TADA2A: variants seen among roughly 807,000 people sequenced by gnomAD.
The protein encoded by TADA2A is transcriptional adapter 2-alpha.
In TADA2A, 38 loss-of-function variants were observed where a neutral mutation model predicts 67.4. That is an observed-to-expected ratio of 0.56 (90% CI 0.44 to 0.74). TADA2A has a LOEUF of 0.74. Among genes scored for constraint, TADA2A ranks in the 30% least tolerant of loss-of-function variants. TADA2A has a pLI of 0.00. For missense variants in TADA2A, 454 were observed against 547.0 expected (o/e 0.83, Z 1.70); for synonymous variants, 192 against 181.6 (o/e 1.06, Z -0.46).
chr17:37,427,701 C>T (rs2147936515), intron 4 of TADA2A, among the ~76,000 whole-genome samples: 1 of 144,878 alleles, frequency 6.9e-6, no homozygotes, highest in Non-Finnish European at 1.5e-5. Context: ...TTTTGTTGGC[C>T]AGGCACAGTA....
At chr17:37,425,660 T>G (rs1452157716) in intron 3 of TADA2A, among the ~76,000 whole-genome samples, 2 of 151,992 alleles carry the variant, frequency 1.3e-5, no homozygotes, top group Non-Finnish European at 2.9e-5. Context: ...AGTTTTTTTA[T>G]TTTTTTGAGA....
intron 4 of TADA2A, among the ~76,000 whole-genome samples, chr17:37,432,789 C>T (rs777540024): frequency 1.3e-5 from 2 of 152,088 alleles, no homozygotes; most frequent in Non-Finnish European, 2.9e-5. Context: ...TTTTCCAAAG[C>T]ATTTATATCA....
intron 6 of TADA2A, among the ~76,000 whole-genome samples, chr17:37,441,753 A>T (rs2052924130): frequency 6.8e-6 from 1 of 146,966 alleles, no homozygotes; most frequent in Non-Finnish European, 1.5e-5. Flanking sequence ...TGCAACCTCC[A>T]CCTCCAGGGT....
chr17:37,423,694 A>G (rs544777775), intron 3 of TADA2A, 79 bp downstream of exon 3: 1 of 1,044,096 alleles, frequency 9.6e-7, no homozygotes, highest in Non-Finnish European at 1.4e-6. Context: ...ATTACTGTCA[A>G]CTGCTAAGGA....
chr17:37,466,374 C>A (rs895568588), intron 11 of TADA2A, among the ~76,000 whole-genome samples: 6 of 152,146 alleles, frequency 3.9e-5, no homozygotes, highest in African/African-American at 1.2e-4. Context: ...GAGCTGAGAT[C>A]ACACCACTGC....
At chr17:37,469,629 G>A (rs932186787) in intron 12 of TADA2A, among the ~76,000 whole-genome samples, 2 of 152,000 alleles carry the variant, frequency 1.3e-5, no homozygotes, top group East Asian at 1.9e-4. Context: ...GCGAAACTCC[G>A]TCTCAAAAAA....
At chr17:37,470,785 A>G (rs748928985) in intron 13 of TADA2A, among the ~76,000 whole-genome samples, 5 of 152,176 alleles carry the variant, frequency 3.3e-5, no homozygotes, top group Admixed American at 6.6e-5. Context: ...CCTTCTACCC[A>G]TGACTTCAAC....
At chr17:37,458,786 C>T (rs1412863739) in intron 9 of TADA2A, among the ~76,000 whole-genome samples, 199 bp downstream of exon 9, 1 of 152,078 alleles carries the variant, frequency 6.6e-6, no homozygotes, top group African/African-American at 2.4e-5. Flanking sequence ...AATTGATTCT[C>T]CCACCTCAGC....
chr17:37,418,792 T>G (rs2052136558), intron 2 of TADA2A, among the ~76,000 whole-genome samples: 1 of 152,032 alleles, frequency 6.6e-6, no homozygotes, highest in South Asian at 2.1e-4. Flanking sequence ...TTTCACCATG[T>G]TGGCCAGTCT....
chr17:37,468,428 A>G (rs2053713715), intron 12 of TADA2A, among the ~76,000 whole-genome samples: 1 of 152,190 alleles, frequency 6.6e-6, no homozygotes, highest in Admixed American at 6.5e-5. Context: ...AGTGTATTAT[A>G]GTAGTTAAGA....
intron 13 of TADA2A, 34 bp from the exon 14 acceptor site, chr17:37,471,060 T>C (rs2053776556): frequency 6.8e-6 from 11 of 1,613,552 alleles, no homozygotes; most frequent in South Asian, 1.1e-5. Context: ...TTGTTTGATA[T>C]GACCTAAGTT....
intron 6 of TADA2A, among the ~76,000 whole-genome samples, chr17:37,442,054 A>G (rs919549635): frequency 1.3e-5 from 2 of 152,178 alleles, no homozygotes; most frequent in African/African-American, 2.4e-5. Flanking sequence ...ACCCAGTGAG[A>G]TAGGCAGAGC....
intron 4 of TADA2A, among the ~76,000 whole-genome samples, chr17:37,433,764 C>T (rs2052640522): frequency 2.0e-5 from 3 of 152,010 alleles, no homozygotes; most frequent in Non-Finnish European, 2.9e-5. Context: ...ACCAGCCTGG[C>T]CAACATGGTG....
intron 4 of TADA2A, among the ~76,000 whole-genome samples, chr17:37,428,484 A>G (rs973984228): frequency 6.6e-6 from 1 of 152,214 alleles, no homozygotes; most frequent in Non-Finnish European, 1.5e-5. Context: ...CCAGGAGCAC[A>G]GGAAGTCCTT....
intron 6 of TADA2A, among the ~76,000 whole-genome samples, chr17:37,441,195 A>C (rs2052907313): frequency 6.6e-6 from 1 of 152,210 alleles, no homozygotes; most frequent in African/African-American, 2.4e-5. Flanking sequence ...GCTTGAAGCC[A>C]ATGTGTAGTT....
rs1175537868 is a variant in TADA2A at position 37,421,328 on chromosome 17, G to A, written c.26-2181G>A. ...GGAGATTGAAGCCACAGTGAGCCAT[G>A]ATCTCACCACTGCACTCCAGCCTGG... is the stretch of plus-strand genomic sequence containing the variant. On this transcript the variant is annotated intron_variant, in intron 2 of 15. Transcript: ENST00000615182. 2.1e-5 allele frequency among the ~76,000 whole-genome samples: 3 copies of A among 145,852 alleles called. 1 individual carries two copies. Among genetic ancestry groups the A allele is most frequent in the Non-Finnish European group, 4.6e-5 (3 of 65,462 alleles).
chr17:37,412,143 G>A (rs1488578837), intron 2 of TADA2A, among the ~76,000 whole-genome samples: 1 of 151,458 alleles, frequency 6.6e-6, no homozygotes, highest in African/African-American at 2.4e-5. Flanking sequence ...CCCGGGAGGC[G>A]GAGCTTGCAG....
intron 7 of TADA2A, among the ~76,000 whole-genome samples, 162 bp downstream of exon 7, chr17:37,442,814 C>T (rs1402197910): frequency 6.6e-6 from 1 of 152,056 alleles, no homozygotes; most frequent in Non-Finnish European, 1.5e-5. Flanking sequence ...GTTTGAGTGC[C>T]TTTTCTCATT....
At chr17:37,455,942 G>T (rs1480632930) in intron 8 of TADA2A, among the ~76,000 whole-genome samples, 1 of 152,110 alleles carries the variant, frequency 6.6e-6, no homozygotes, top group Non-Finnish European at 1.5e-5. Flanking sequence ...AGTAGTTCAC[G>T]CCTGTAATTC....
Sources: gnomAD v4.1 joint callset for allele counts (sites outside exome capture counted in the v4.1 genomes callset) on GRCh38, gnomAD v4.1.1 for gene constraint, MANE v1.5 for transcripts, NCBI Gene and HGNC (gene_info 2026-07-23, HGNC 2026-07-21) for gene names.